The following PRKN variants were observed in gnomAD, a reference collection of about 807,000 sequenced individuals.
PRKN encodes the protein E3 ubiquitin-protein ligase parkin.
In PRKN, 56 loss-of-function variants were observed where a neutral mutation model predicts 59.5. The observed-to-expected ratio is 0.94, with a 90% confidence interval of 0.76 to 1.18. The LOEUF is 1.18. PRKN is among the 50% of genes most tolerant of loss of function. PRKN has a pLI of 0.00. For missense variants in PRKN, 657 were observed against 596.4 expected (o/e 1.10, Z -1.06); for synonymous variants, 250 against 222.1 (o/e 1.13, Z -1.12).
intron 1 of PRKN, among the ~76,000 whole-genome samples, chr6:162,560,255 A>T (rs1308124325): frequency 1.3e-5 from 2 of 152,232 alleles, no homozygotes; most frequent in African/African-American, 4.8e-5. Context: ...CTATTTGACT[A>T]TGTTAGCTTC....
intron 1 of PRKN, among the ~76,000 whole-genome samples, chr6:162,457,359 A>C (rs188742973): frequency 3.3e-5 from 5 of 152,320 alleles, no homozygotes; most frequent in African/African-American, 1.2e-4. Flanking sequence ...GTAAATCATC[A>C]GTTTTAATAT....
At chr6:161,509,696 A>G (rs1480183748) in intron 9 of PRKN, among the ~76,000 whole-genome samples, 3 of 151,918 alleles carry the variant, frequency 2.0e-5, no homozygotes, top group Admixed American at 2.0e-4. Flanking sequence ...CCTGACCAAC[A>G]TGGTGAAACC....
At chr6:162,201,552 G>A (rs1784731117) in intron 3 of PRKN, among the ~76,000 whole-genome samples, 1 of 152,158 alleles carries the variant, frequency 6.6e-6, no homozygotes, top group Non-Finnish European at 1.5e-5. Flanking sequence ...TAAAATCAGA[G>A]GCACTCTTTG....
Position 161,377,221 on chromosome 6 carries a change from G to C in PRKN, c.1167+9573C>G, listed in dbSNP as rs115638449. On this transcript the variant is annotated intron_variant, in intron 10 of 11. Transcript: ENST00000366898. The surrounding 1 kb of genome is among the most constrained non-coding windows in gnomAD (Gnocchi z 4.2). ...AAGAGAGCCCCTGGCACGCTACCGA[G>C]CCCTGTGGAGTTGGAGCATCTGTGC... 7.9e-5 allele frequency among the ~76,000 whole-genome samples: 12 copies of C among 152,244 alleles called. No individual in the cohort carries two copies. Among genetic ancestry groups the C allele is most frequent in the Non-Finnish European group, 1.5e-4 (10 of 68,048 alleles).
chr6:162,008,248 C>T (rs188555042), intron 5 of PRKN, among the ~76,000 whole-genome samples: 63 of 152,240 alleles, frequency 4.1e-4, no homozygotes, highest in Non-Finnish European at 7.1e-4. Context: ...TAGTGAGACA[C>T]GGAGACGTGT....
chr6:161,366,982 C>CTTTTTTTTTTTTTTTTTTT (rs57164972), intron 10 of PRKN, among the ~76,000 whole-genome samples: 1 of 91,946 alleles, frequency 1.1e-5, no homozygotes, highest in Non-Finnish European at 2.2e-5. Flanking sequence ...TTTTTGTTTC[C>CTTTTTTTTTTTTTTTTTTT]TTTTTTTTTT....
At chr6:162,618,617 C>T (rs943011497) in intron 1 of PRKN, among the ~76,000 whole-genome samples, 1 of 152,062 alleles carries the variant, frequency 6.6e-6, no homozygotes, top group Non-Finnish European at 1.5e-5. Flanking sequence ...GACTGATAAT[C>T]CCCTAGGTTT....
chr6:162,007,117 G>C lies in PRKN; in HGVS notation c.619-33700C>G, dbSNP rs1782287823. On this transcript the variant is annotated intron_variant, in intron 5 of 11. Coordinates refer to ENST00000366898, the MANE Select transcript of PRKN (RefSeq NM_004562.3). ...TGGAAAATGAGCATTTAAAAAAACA[G>C]TTTTAATTTTGCCTGAAAAAGCAAG... Among the ~76,000 whole-genome samples, 4 of 152,054 alleles carry C rather than the reference G, an allele frequency of 2.6e-5. No individual in the cohort carries two copies. In the South Asian group the frequency reaches 8.3e-4, roughly 32 times the overall value.
At chr6:162,320,383 A>C (rs1342507380) in intron 2 of PRKN, among the ~76,000 whole-genome samples, 1 of 109,926 alleles carries the variant, frequency 9.1e-6, no homozygotes. Context: ...AAAAAAAAAA[A>C]ACCAAGCATT....
At chr6:161,523,561 T>G (rs1052561190) in intron 9 of PRKN, among the ~76,000 whole-genome samples, 1 of 152,222 alleles carries the variant, frequency 6.6e-6, no homozygotes, top group African/African-American at 2.4e-5. Context: ...AATAACTCAA[T>G]TGGTCATTAC....
rs183164611 is a variant in PRKN at position 161,518,618 on chromosome 6, C to A, written c.1083+30236G>T. ...TTCAATGTTAATGCCACGGCCTCCC[C>A]CTAGCAGCACAAGCCCAGCCTCCGC... On this transcript the variant is annotated intron_variant, in intron 9 of 11. Transcript: ENST00000366898. This position sits in a 1 kb window ranked among gnomAD's most constrained non-coding sequence, Gnocchi z 5.0. Among the ~76,000 whole-genome samples, 7 of 152,218 alleles carry A rather than the reference C, an allele frequency of 4.6e-5. No individual in the cohort carries two copies. Among genetic ancestry groups the A allele is most frequent in the African/African-American group, 7.2e-5 (3 of 41,458 alleles).
intron 9 of PRKN, among the ~76,000 whole-genome samples, chr6:161,452,554 TA>T (rs981615589): frequency 6.6e-6 from 1 of 152,228 alleles, no homozygotes; most frequent in Non-Finnish European, 1.5e-5. Context: ...CTGTGTTTTT[TA>T]ATTCTTTAAA....
At chr6:161,609,665 T>G (rs1251249263) in intron 7 of PRKN, among the ~76,000 whole-genome samples, 1 of 152,132 alleles carries the variant, frequency 6.6e-6, no homozygotes, top group African/African-American at 2.4e-5. Context: ...AAGAACCTGT[T>G]TTTCCCTATT....
intron 2 of PRKN, among the ~76,000 whole-genome samples, chr6:162,327,731 C>T (rs929406599): frequency 6.6e-6 from 1 of 152,096 alleles, no homozygotes. Context: ...CATCTCTGAG[C>T]GTGCATAACA....
chr6:161,809,934 T>C (rs916872212), intron 6 of PRKN, among the ~76,000 whole-genome samples: 18 of 152,380 alleles, frequency 1.2e-4, no homozygotes, highest in Non-Finnish European at 1.9e-4. Context: ...GACGTGTTTT[T>C]AATAATAAAC....
At chr6:162,671,271 C>T (rs571416571) in intron 1 of PRKN, among the ~76,000 whole-genome samples, 9 of 151,982 alleles carry the variant, frequency 5.9e-5, no homozygotes, top group Non-Finnish European at 4.4e-5. Context: ...GAGGCCGAGG[C>T]GGGTGGATCA....
intron 1 of PRKN, among the ~76,000 whole-genome samples, chr6:162,584,224 ACAAAAAACAAAAAACAAAAAAC>A (rs1780911469): frequency 1.9e-4 from 15 of 78,224 alleles, no homozygotes; most frequent in Non-Finnish European, 3.4e-4. Context: ...AAAAAAAAAA[ACAAAAAACAAAAAACAAAAAAC>A]AAAAAAAAAA....
chr6:161,553,162 C>CT (rs1387642914), intron 8 of PRKN, among the ~76,000 whole-genome samples: 2 of 151,018 alleles, frequency 1.3e-5, no homozygotes, highest in African/African-American at 4.8e-5. Flanking sequence ...CCTCCATTGT[C>CT]TTTTTTTCCT....
chr6:161,856,346 G>A (rs976226511), intron 6 of PRKN, among the ~76,000 whole-genome samples: 7 of 135,070 alleles, frequency 5.2e-5, no homozygotes, highest in Non-Finnish European at 8.2e-5. Flanking sequence ...GTCAATGAGA[G>A]TGAAATGCCA....
Sources: gnomAD v4.1 joint callset for allele counts (sites outside exome capture counted in the v4.1 genomes callset) on GRCh38, gnomAD v4.1.1 for gene constraint, Gnocchi (gnomAD v3.1) non-coding constraint, MANE v1.5 for transcripts, NCBI Gene and HGNC (gene_info 2026-07-23, HGNC 2026-07-21) for gene names.